Variants in CACNA1E observed in about 807,000 individuals in gnomAD.
The protein encoded by CACNA1E is calcium voltage-gated channel subunit alpha1 E.
A neutral mutation model predicts 259.2 loss-of-function variants in CACNA1E; 40 were observed. That is an observed-to-expected ratio of 0.15 (90% CI 0.12 to 0.20). CACNA1E has a LOEUF of 0.20. CACNA1E is among the 10% of genes least tolerant of loss of function. CACNA1E has a pLI of 1.00. For missense variants in CACNA1E, 1,874 were observed against 3,040.1 expected (o/e 0.62, Z 9.02); for synonymous variants, 1,104 against 1,138.5 (o/e 0.97, Z 0.61).
intron 3 of CACNA1E, among the ~76,000 whole-genome samples, chr1:181,541,754 C>T (rs948152955): frequency 6.6e-6 from 1 of 152,142 alleles, no homozygotes; most frequent in African/African-American, 2.4e-5. Context: ...CTTGTTTCTT[C>T]GTATAATAGA....
chr1:181,512,488 A>G (rs1666243288), intron 3 of CACNA1E, among the ~76,000 whole-genome samples: 1 of 152,218 alleles, frequency 6.6e-6, no homozygotes, highest in South Asian at 2.1e-4. Flanking sequence ...ATTGACCAAC[A>G]GGAAAGGAGA....
intron 44 of CACNA1E, among the ~76,000 whole-genome samples, chr1:181,791,722 C>T (rs1473280246): frequency 6.6e-6 from 1 of 152,068 alleles, no homozygotes; most frequent in Non-Finnish European, 1.5e-5. Context: ...CCAACCATTG[C>T]AAAAGTCTGT....
intron 3 of CACNA1E, among the ~76,000 whole-genome samples, chr1:181,573,194 A>T (rs1172533367): frequency 6.6e-6 from 1 of 152,164 alleles, no homozygotes; most frequent in Non-Finnish European, 1.5e-5. Flanking sequence ...ATGACATACC[A>T]CTTGAAAATG....
At chr1:181,435,883 A>G (rs1052972272) in intron 2 of CACNA1E, among the ~76,000 whole-genome samples, 2 of 152,246 alleles carry the variant, frequency 1.3e-5, no homozygotes, top group African/African-American at 4.8e-5. Flanking sequence ...TTATAACAAG[A>G]TATTTTGCAA....
At chr1:181,755,897 C>T in intron 28 of CACNA1E, 59 bp from the exon 29 acceptor site, 3 of 1,552,758 alleles carry the variant, frequency 1.9e-6, no homozygotes, top group Non-Finnish European at 2.6e-6. Context: ...AATGTGCTGA[C>T]TCTTCTGTAG....
chr1:181,534,168 A>G (rs780048446), intron 3 of CACNA1E, among the ~76,000 whole-genome samples: 23 of 152,114 alleles, frequency 1.5e-4, no homozygotes, highest in Non-Finnish European at 2.9e-4. Context: ...TGTTCCTTAT[A>G]ATGTTATGGT....
intron 7 of CACNA1E, among the ~76,000 whole-genome samples, chr1:181,655,767 G>C (rs997154286): frequency 5.9e-5 from 9 of 152,150 alleles, no homozygotes; most frequent in African/African-American, 2.2e-4. Context: ...GGGTGACAGA[G>C]GCCTCTAAAA....
At position 181,755,936 on chromosome 1, in the gene CACNA1E, C is replaced by T; in HGVS notation, c.3990-20C>T. 2 of 1,609,322 alleles carry T rather than the reference C, an allele frequency of 1.2e-6. No homozygotes were observed. Among genetic ancestry groups the T allele is most frequent in the Non-Finnish European group, 1.7e-6 (2 of 1,177,316 alleles). Reference sequence around the variant, plus strand: ...GAGCTATAGTGAGGAGGCTCTCTTTCATTTCTGCTCTGGTTTTAGAGGCAA... The same window carrying T: ...GAGCTATAGTGAGGAGGCTCTCTTTTATTTCTGCTCTGGTTTTAGAGGCAA... On this transcript the variant is annotated intron_variant, in intron 28 of 47. Coordinates refer to ENST00000367573, the MANE Select transcript of CACNA1E (RefSeq NM_001205293.3).
chr1:181,684,123 C>T (rs1246108608), intron 7 of CACNA1E, among the ~76,000 whole-genome samples: 1 of 152,142 alleles, frequency 6.6e-6, no homozygotes, highest in African/African-American at 2.4e-5. Flanking sequence ...GTTCCCTTTT[C>T]TCTGCAACTT....
chr1:181,423,091 C>T (rs1051246931), intron 2 of CACNA1E, among the ~76,000 whole-genome samples: 1 of 152,198 alleles, frequency 6.6e-6, no homozygotes, highest in African/African-American at 2.4e-5. Flanking sequence ...TACGTAAAAA[C>T]ATCTATCGCA....
intron 6 of CACNA1E, among the ~76,000 whole-genome samples, chr1:181,598,827 A>C (rs1429814227): frequency 4.6e-5 from 7 of 151,842 alleles, no homozygotes; most frequent in Non-Finnish European, 1.0e-4. Flanking sequence ...CTTCTGTCTT[A>C]CTTCACGCCC....
intron 7 of CACNA1E, among the ~76,000 whole-genome samples, chr1:181,689,744 T>C (rs2102314221): frequency 6.6e-6 from 1 of 152,362 alleles, no homozygotes; most frequent in South Asian, 2.1e-4. Context: ...ATGAGCTTTT[T>C]TTCATATGTT....
chr1:181,547,023 T>C (rs533373273), intron 3 of CACNA1E, among the ~76,000 whole-genome samples: 1 of 152,236 alleles, frequency 6.6e-6, no homozygotes, highest in African/African-American at 2.4e-5. Flanking sequence ...GCCTCACTGG[T>C]TGGCTTCTTG....
chr1:181,607,501 G>C (rs1474732997), intron 6 of CACNA1E, among the ~76,000 whole-genome samples: 1 of 152,152 alleles, frequency 6.6e-6, no homozygotes. Context: ...CGATCCCAGC[G>C]TGTGCGGTAG....
At chr1:181,708,447 G>C (rs1056545485) in intron 7 of CACNA1E, among the ~76,000 whole-genome samples, 1 of 152,106 alleles carries the variant, frequency 6.6e-6, no homozygotes, top group Non-Finnish European at 1.5e-5. Context: ...TGGATATGTT[G>C]GTCATAATGC....
At chr1:181,524,505 A>C (rs1293704489) in intron 3 of CACNA1E, among the ~76,000 whole-genome samples, 2 of 152,152 alleles carry the variant, frequency 1.3e-5, no homozygotes, top group Non-Finnish European at 2.9e-5. Flanking sequence ...ATAACCCCCC[A>C]AATTTCAATG....
At chr1:181,795,154 C>A in intron 46 of CACNA1E, 110 bp downstream of exon 46, 1 of 918,782 alleles carries the variant, frequency 1.1e-6, no homozygotes, top group Non-Finnish European at 1.6e-6. Flanking sequence ...GAGACAAGGG[C>A]TGAAGAAAGT....
chr1:181,673,216 A>G (rs1024135597), intron 7 of CACNA1E, among the ~76,000 whole-genome samples: 1 of 73,758 alleles, frequency 1.4e-5, no homozygotes, highest in Non-Finnish European at 3.2e-5. Flanking sequence ...ATGTATGTAT[A>G]TGAGTATGTG....
chr1:181,760,575 A>G (rs1658496277), intron 32 of CACNA1E, among the ~76,000 whole-genome samples: 1 of 152,238 alleles, frequency 6.6e-6, no homozygotes, highest in African/African-American at 2.4e-5. Context: ...GAAAAAGAAA[A>G]AGAGGGAAAG....
Sources: gnomAD v4.1 joint callset for allele counts (sites outside exome capture counted in the v4.1 genomes callset) on GRCh38, gnomAD v4.1.1 for gene constraint, MANE v1.5 for transcripts, NCBI Gene and HGNC (gene_info 2026-07-23, HGNC 2026-07-21) for gene names.